Variants in AKT3 observed in about 807,000 individuals in gnomAD.
AKT3 encodes the protein RAC-gamma serine/threonine-protein kinase.
AKT3 carries 15 observed loss-of-function variants against 65.3 expected under a neutral mutation model. That is an observed-to-expected ratio of 0.23 (90% CI 0.15 to 0.35). The LOEUF is 0.35. AKT3 is among the 10% of genes least tolerant of loss of function. AKT3 has a pLI of 1.00. For missense variants in AKT3, 243 were observed against 576.5 expected, an observed-to-expected ratio of 0.42 and a Z score of 5.92; for synonymous variants, 206 against 183.8, an observed-to-expected ratio of 1.12 and a Z score of -0.98.
chr1:243,660,058 C>T (rs1340291610), intron 4 of AKT3, among the ~76,000 whole-genome samples: 3 of 151,804 alleles, frequency 2.0e-5, no homozygotes, highest in African/African-American at 7.3e-5. Flanking sequence ...AGGAATGGTA[C>T]CAGTTCCTCC....
intron 2 of AKT3, among the ~76,000 whole-genome samples, chr1:243,805,864 A>G (rs765970880): frequency 6.6e-6 from 1 of 152,184 alleles, no homozygotes; most frequent in Non-Finnish European, 1.5e-5. Context: ...CTGAAAAATT[A>G]TATCTATCAT....
intron 8 of AKT3, among the ~76,000 whole-genome samples, chr1:243,581,900 C>T (rs1330735540): frequency 6.6e-6 from 1 of 151,718 alleles, no homozygotes; most frequent in African/African-American, 2.4e-5. Flanking sequence ...AGAAATCAAT[C>T]AGACTTTCTG....
chr1:243,784,289 A>T (rs1445550244), intron 2 of AKT3, among the ~76,000 whole-genome samples: 1 of 152,082 alleles, frequency 6.6e-6, no homozygotes, highest in Non-Finnish European at 1.5e-5. Flanking sequence ...TGAGGAACAG[A>T]AAGATGAAAG....
intron 12 of AKT3, among the ~76,000 whole-genome samples, chr1:243,517,098 T>G (rs1358066646): frequency 6.6e-6 from 1 of 152,182 alleles, no homozygotes; most frequent in Non-Finnish European, 1.5e-5. Context: ...CTTTGATCCA[T>G]GGATTAATAT....
At chr1:243,771,191 C>A (rs1048390391) in intron 2 of AKT3, among the ~76,000 whole-genome samples, 4 of 152,078 alleles carry the variant, frequency 2.6e-5, no homozygotes, top group African/African-American at 9.7e-5. Context: ...TGAATCTTTC[C>A]CAGAGTCCCT....
At chr1:243,633,431 TA>T (rs1464312644) in intron 6 of AKT3, among the ~76,000 whole-genome samples, 2 of 152,146 alleles carry the variant, frequency 1.3e-5, no homozygotes, top group African/African-American at 4.8e-5. Context: ...ACTCATACAT[TA>T]AAAAATTAGT....
At chr1:243,749,360 T>C (rs992975713) in intron 2 of AKT3, among the ~76,000 whole-genome samples, 1 of 152,142 alleles carries the variant, frequency 6.6e-6, no homozygotes, top group Non-Finnish European at 1.5e-5. Context: ...AAAGGAATCA[T>C]GCCACATCTT....
At chr1:243,767,446 T>G (rs1360397168) in intron 2 of AKT3, among the ~76,000 whole-genome samples, 1 of 152,196 alleles carries the variant, frequency 6.6e-6, no homozygotes, top group Non-Finnish European at 1.5e-5. Flanking sequence ...ATGAACCACA[T>G]TCTCATAACC....
intron 11 of AKT3, among the ~76,000 whole-genome samples, chr1:243,550,958 CAAAAAAAAAAAAAAAAAA>C (rs60047036): frequency 7.4e-4 from 13 of 17,536 alleles, no homozygotes; most frequent in Middle Eastern, 0.091. Flanking sequence ...GACTCCCTCT[CAAAAAAAAAAAAAAAAAA>C]AAAAAAAAAA....
At chr1:243,646,354 T>C (rs200007019) in intron 4 of AKT3, among the ~76,000 whole-genome samples, 1 of 151,280 alleles carries the variant, frequency 6.6e-6, no homozygotes, top group Non-Finnish European at 1.5e-5. Flanking sequence ...TACATATATA[T>C]ATCCTACTTT....
intron 12 of AKT3, among the ~76,000 whole-genome samples, chr1:243,514,729 C>T (rs565226093): frequency 1.4e-4 from 21 of 152,206 alleles, no homozygotes; most frequent in East Asian, 3.9e-4. Flanking sequence ...GGGAGGCTGA[C>T]GTGGAAGGAT....
chr1:243,791,623 A>C (rs1184280906), intron 2 of AKT3, among the ~76,000 whole-genome samples: 1 of 152,256 alleles, frequency 6.6e-6, no homozygotes, highest in African/African-American at 2.4e-5. Flanking sequence ...CAGAATTTAA[A>C]TGAGACGAAG....
At chr1:243,642,731 T>C (rs1233172985) in intron 5 of AKT3, among the ~76,000 whole-genome samples, 2 of 152,232 alleles carry the variant, frequency 1.3e-5, no homozygotes, top group Non-Finnish European at 2.9e-5. Context: ...TCCCTTTACA[T>C]GTTTACGTGG....
At chr1:243,659,576 A>G in intron 4 of AKT3, among the ~76,000 whole-genome samples, 1 of 152,122 alleles carries the variant, frequency 6.6e-6, no homozygotes, top group East Asian at 1.9e-4. Context: ...GTCAAAGGGG[A>G]AAAAAAGACT....
chr1:243,774,612 C>A (rs1381595942), intron 2 of AKT3, among the ~76,000 whole-genome samples: 2 of 152,010 alleles, frequency 1.3e-5, no homozygotes, highest in Non-Finnish European at 2.9e-5. Flanking sequence ...AAGCCCCAAA[C>A]CACAATTTAA....
At chr1:243,697,072 T>G (rs1408515560) in intron 2 of AKT3, among the ~76,000 whole-genome samples, 1 of 152,076 alleles carries the variant, frequency 6.6e-6, no homozygotes, top group Non-Finnish European at 1.5e-5. Flanking sequence ...AAATATTACT[T>G]AGAGCACCAA....
At chr1:243,723,484 T>C (rs1484721594) in intron 2 of AKT3, among the ~76,000 whole-genome samples, 3 of 152,216 alleles carry the variant, frequency 2.0e-5, no homozygotes, top group Non-Finnish European at 2.9e-5. Context: ...TAATTCACTA[T>C]GTCATATTAA....
chr1:243,687,162 G>A (rs1280069903), intron 3 of AKT3, among the ~76,000 whole-genome samples: 1 of 152,138 alleles, frequency 6.6e-6, no homozygotes, highest in Non-Finnish European at 1.5e-5. Flanking sequence ...ACCAGATATT[G>A]TAATAAATGC....
chr1:243,583,844 A>C (rs143575644), intron 8 of AKT3, among the ~76,000 whole-genome samples: 3 of 152,266 alleles, frequency 2.0e-5, no homozygotes, highest in Non-Finnish European at 1.5e-5. Flanking sequence ...AGTTGAAAGC[A>C]CTAAATGCCT....
Sources: allele counts gnomAD v4.1 joint callset (sites outside exome capture counted in the v4.1 genomes callset), GRCh38; gene constraint gnomAD v4.1.1; transcripts MANE v1.5; gene names NCBI Gene and HGNC (gene_info 2026-07-23, HGNC 2026-07-21).